The following NDUFAF5 variants were observed in gnomAD, a reference collection of about 807,000 sequenced individuals.
The protein encoded by NDUFAF5 is NADH:ubiquinone oxidoreductase complex assembly factor 5, also known as arginine-hydroxylase NDUFAF5, mitochondrial.
In NDUFAF5, 34 loss-of-function variants were observed where a neutral mutation model predicts 48.9. The observed-to-expected ratio is 0.70, with a 90% CI of 0.53 to 0.93. NDUFAF5 has a LOEUF of 0.93. Among genes scored for constraint, NDUFAF5 ranks in the 40% least tolerant of loss-of-function variants. The probability of loss-of-function intolerance (pLI) is 0.00; values close to 1 mark genes in which losing one functional copy is unlikely to be tolerated. For missense variants in NDUFAF5, 428 were observed against 427.5 expected, an observed-to-expected ratio of 1.00 and a Z score of -0.01; for synonymous variants, 153 against 150.6, an observed-to-expected ratio of 1.02 and a Z score of -0.12.
intron 5 of NDUFAF5, among the ~76,000 whole-genome samples, chr20:13,797,710 G>A (rs1054996589): frequency 1.3e-5 from 2 of 152,130 alleles, no homozygotes; most frequent in East Asian, 3.8e-4. Context: ...AACACCAAAA[G>A]TGAACCTTAA....
At chr20:13,789,321 T>C (rs1203070563) in intron 3 of NDUFAF5, among the ~76,000 whole-genome samples, 1 of 151,822 alleles carries the variant, frequency 6.6e-6, no homozygotes, top group Non-Finnish European at 1.5e-5. Context: ...TGCACCACTA[T>C]GCCCTGCTAA....
At chr20:13,789,826 TG>T in intron 3 of NDUFAF5, among the ~76,000 whole-genome samples, 1 of 152,108 alleles carries the variant, frequency 6.6e-6, no homozygotes, top group East Asian at 1.9e-4. Context: ...ACCATAGACT[TG>T]GGCCAGGGTG....
intron 7 of NDUFAF5, chr20:13,801,884 A>G: frequency 1.9e-6 from 1 of 528,470 alleles, no homozygotes; most frequent in Non-Finnish European, 3.3e-6. Context: ...GTAGGAATGT[A>G]TAATTTTTTA....
In NDUFAF5 at chr20:13,817,517, C is replaced by G. The variant is rs1986620652; in HGVS notation, c.*307C>G. 2.0e-6 allele frequency: 1 copy of G among 497,672 alleles called. No homozygotes were observed. The highest frequency in any genetic ancestry group is 1.5e-5 in the South Asian group (1 of 64,892). The allele number at this position is 497,672 out of a possible 1,614,324, so 30.8% of individuals were successfully genotyped here. A position where few individuals can be genotyped will look rare whatever the true frequency, so the allele number is the denominator to read the frequency against. ...CTTGGAAAATATTACTCATGCTGAC[C>G]TTTTACACCTTTTTCATTTGTCATA... On this transcript the variant is annotated 3_prime_UTR_variant, in exon 11 of 11. Coordinates refer to ENST00000378106, the MANE Select transcript of NDUFAF5 (RefSeq NM_024120.5).
chr20:13,809,955 A>G (rs1296622278), intron 8 of NDUFAF5, among the ~76,000 whole-genome samples: 1 of 152,232 alleles, frequency 6.6e-6, no homozygotes, highest in Non-Finnish European at 1.5e-5. Flanking sequence ...TAGAAGAAAC[A>G]ATAGAAGAAT....
chr20:13,797,375 T>G, intron 5 of NDUFAF5, among the ~76,000 whole-genome samples: 1 of 152,210 alleles, frequency 6.6e-6, no homozygotes, highest in East Asian at 1.9e-4. Context: ...TGGATAAACT[T>G]TGTTGTATCC....
chr20:13,807,297 C>T (rs1445454006), intron 7 of NDUFAF5, among the ~76,000 whole-genome samples: 7 of 152,066 alleles, frequency 4.6e-5, no homozygotes, highest in Admixed American at 6.6e-5. Flanking sequence ...CTGCCTGCCT[C>T]GGCCTCCCAA....
chr20:13,790,477 G>T (rs891161902), intron 3 of NDUFAF5, among the ~76,000 whole-genome samples: 2 of 152,188 alleles, frequency 1.3e-5, no homozygotes, highest in African/African-American at 4.8e-5. Context: ...GTGCTGTTCA[G>T]CTATCATCGC....
At chr20:13,807,740 G>A (rs1018493882) in intron 7 of NDUFAF5, among the ~76,000 whole-genome samples, 2 of 151,248 alleles carry the variant, frequency 1.3e-5, no homozygotes, top group Non-Finnish European at 1.5e-5. Flanking sequence ...TTAGGAGATC[G>A]AGACCAGCCT....
In NDUFAF5 at chr20:13,816,520, T is replaced by A; in HGVS notation, c.836T>A (p.Met279Lys). ...AAAGCCCTGCTGCATCGAGACACAA[T>A]GCTGGCAGCTGCGGCAGTGTACAGA... ...NRKALLHRDT[M>K]LAAAAVYREM... Residue 279 changes from methionine to lysine, a missense_variant, in exon 9 of 11, where the codon ATG becomes AAG. Physicochemically the swap from Met to Lys is moderately conservative, Grantham distance 95. Coordinates refer to ENST00000378106, the MANE Select transcript of NDUFAF5 (RefSeq NM_024120.5). 6.2e-7 allele frequency: 1 copy of A among 1,614,118 alleles called. No homozygotes were observed. The highest frequency in any genetic ancestry group is 8.5e-7 in the Non-Finnish European group (1 of 1,179,978).
chr20:13,803,548 GCT>G (rs1371475466), intron 7 of NDUFAF5: 1 of 152,136 alleles, frequency 6.6e-6, no homozygotes, highest in Non-Finnish European at 1.5e-5. Context: ...AAAATGCTTA[GCT>G]CTCTCTTGAG....
chr20:13,802,218 CAGTG>C, intron 7 of NDUFAF5, among the ~76,000 whole-genome samples: 1 of 152,134 alleles, frequency 6.6e-6, no homozygotes, highest in East Asian at 1.9e-4. Context: ...CATGGGCAAT[CAGTG>C]AGTAATAAGC....
chr20:13,790,078 T>A (rs1982024807), intron 3 of NDUFAF5, among the ~76,000 whole-genome samples: 1 of 152,116 alleles, frequency 6.6e-6, no homozygotes, highest in South Asian at 2.1e-4. Flanking sequence ...GGTAGAATGC[T>A]GTAGGGTGTG....
At chr20:13,813,524 G>A (rs562667244) in intron 8 of NDUFAF5, among the ~76,000 whole-genome samples, 9 of 152,318 alleles carry the variant, frequency 5.9e-5, no homozygotes, top group South Asian at 2.1e-4. Context: ...GTGGAAATAC[G>A]TAGTTCCTGA....
chr20:13,786,112 T>G (rs1229825945), intron 1 of NDUFAF5, among the ~76,000 whole-genome samples: 1 of 152,226 alleles, frequency 6.6e-6, no homozygotes, highest in Non-Finnish European at 1.5e-5. Context: ...GGGTTTCTAC[T>G]TTCAGGACAC....
chr20:13,817,230 G>A lies in NDUFAF5; in HGVS notation c.*20G>A. ...CAATAAATATTTATTCAGTGTTAAT[G>A]TCGTCCAGAATTTTCATCAGAAATG... On this transcript the variant is annotated 3_prime_UTR_variant, in exon 11 of 11. Transcript: ENST00000378106. 6.4e-7 allele frequency: 1 copy of A among 1,568,390 alleles called. No individual in the cohort carries two copies. Among genetic ancestry groups the A allele is most frequent in the African/African-American group, 1.3e-5 (1 of 74,124 alleles).
chr20:13,818,374 G>C lies in NDUFAF5; in HGVS notation c.*1164G>C. On this transcript the variant is annotated 3_prime_UTR_variant, in exon 11 of 11. Coordinates refer to ENST00000378106, the MANE Select transcript of NDUFAF5 (RefSeq NM_024120.5). ...TCATCGATATTTGAAACTGGGATACGCTTGGTAGCTTTTTTGTTTTAACAC... is the reference window on the plus strand; with the variant it reads ...TCATCGATATTTGAAACTGGGATACCCTTGGTAGCTTTTTTGTTTTAACAC... The C allele has an allele frequency of 2.8e-6, 1 of 361,244 alleles. No homozygotes were observed. The highest frequency in any genetic ancestry group is 2.1e-5 in the South Asian group (1 of 47,334). The allele number at this position is 361,244 out of a possible 1,614,324, so 22.4% of individuals were successfully genotyped here. A position where few individuals can be genotyped will look rare whatever the true frequency, so the allele number is the denominator to read the frequency against.
At position 13,793,160 on chromosome 20, in the gene NDUFAF5, C is replaced by T. The variant is rs139815892; in HGVS notation, c.328-20C>T. On this transcript the variant is annotated intron_variant, in intron 3 of 10. Coordinates refer to ENST00000378106, the MANE Select transcript of NDUFAF5 (RefSeq NM_024120.5). ...TTGTGACTGGATTTGTTTGTTTCAGCTTCAGTTATTCCATTGCAGGAAACT... is the reference window on the plus strand; with the variant it reads ...TTGTGACTGGATTTGTTTGTTTCAGTTTCAGTTATTCCATTGCAGGAAACT... The T allele has an allele frequency of 4.2e-5, 67 of 1,613,664 alleles. No individual in the cohort carries two copies. The highest frequency in any genetic ancestry group is 5.1e-5 in the Non-Finnish European group (60 of 1,179,774).
At chr20:13,785,796 A>T (rs1165787357) in intron 1 of NDUFAF5, among the ~76,000 whole-genome samples, 1 of 152,230 alleles carries the variant, frequency 6.6e-6, no homozygotes, top group Non-Finnish European at 1.5e-5. Flanking sequence ...TTTTATATTG[A>T]TTACATGTTG....
Sources: allele counts gnomAD v4.1 joint callset (sites outside exome capture counted in the v4.1 genomes callset), GRCh38; gene constraint gnomAD v4.1.1; transcripts MANE v1.5; gene names NCBI Gene and HGNC (gene_info 2026-07-23, HGNC 2026-07-21).